Variants in KCTD3 observed in about 807,000 individuals in gnomAD.
KCTD3 encodes the protein BTB/POZ domain-containing protein KCTD3.
In KCTD3, 41 loss-of-function variants were observed where a neutral mutation model predicts 85.8. That is an observed-to-expected ratio of 0.48 (90% CI 0.37 to 0.62). KCTD3 has a LOEUF of 0.62. Among genes scored for constraint, KCTD3 ranks in the 20% least tolerant of loss-of-function variants. The pLI, the probability that KCTD3 is intolerant of heterozygous loss-of-function variation, is 0.00. For synonymous variants in KCTD3, 338 were observed against 345.4 expected, an observed-to-expected ratio of 0.98 and a Z score of 0.24; for missense variants, 724 against 989.9, an observed-to-expected ratio of 0.73 and a Z score of 3.60.
At chr1:215,583,486 C>T (rs1659899849) in intron 8 of KCTD3, among the ~76,000 whole-genome samples, 1 of 152,176 alleles carries the variant, frequency 6.6e-6, no homozygotes, top group Non-Finnish European at 1.5e-5. Flanking sequence ...TCAGTTTTGG[C>T]TGGCTTCTTT....
chr1:215,587,256 A>C (rs1342541042), intron 9 of KCTD3, among the ~76,000 whole-genome samples: 1 of 151,858 alleles, frequency 6.6e-6, no homozygotes, highest in Non-Finnish European at 1.5e-5. Context: ...CAGCCTCCCA[A>C]GTAGCTGGGA....
At chr1:215,606,837 GA>G (rs1049404746) in intron 13 of KCTD3, among the ~76,000 whole-genome samples, 6 of 152,030 alleles carry the variant, frequency 3.9e-5, no homozygotes, top group African/African-American at 1.4e-4. Flanking sequence ...ATCCCTTAAA[GA>G]AAAACTTTGG....
intron 13 of KCTD3, among the ~76,000 whole-genome samples, chr1:215,606,725 A>G (rs1396299458): frequency 6.6e-6 from 1 of 152,078 alleles, no homozygotes; most frequent in East Asian, 1.9e-4. Flanking sequence ...CCTTTTTAAC[A>G]AAAAATCTGG....
chr1:215,586,426 G>T (rs996203811), intron 8 of KCTD3, 69 bp from the exon 9 acceptor site: 3 of 1,198,758 alleles, frequency 2.5e-6, no homozygotes, highest in South Asian at 1.7e-5. Flanking sequence ...TGTTTTTGGT[G>T]CATTGATGTG....
Position 215,567,538 on chromosome 1 carries a change from G to A in KCTD3, c.-148G>A, listed in dbSNP as rs916702126. The A allele has an allele frequency of 6.1e-6, 2 of 328,122 alleles. No individual in the cohort carries two copies. Among genetic ancestry groups the A allele is most frequent in the African/African-American group, 4.4e-5 (2 of 45,976 alleles). 20.3% of individuals were successfully genotyped at this position (328,122 alleles called of 1,614,324 possible). On this transcript the variant is annotated 5_prime_UTR_variant, in exon 1 of 18. Transcript: ENST00000259154. ...GCGAGCCCCGCCCGGCCGCCGGGAA[G>A]GTGGGGGAAGCCCCGTGCACCCCCC...
In KCTD3 at chr1:215,620,821, A is replaced by G; in HGVS notation, c.*203A>G. The G allele has an allele frequency of 2.0e-6, 1 of 508,682 alleles. No individual in the cohort carries two copies. The highest frequency in any genetic ancestry group is 3.7e-5 in the South Asian group (1 of 26,888). 31.5% of individuals were successfully genotyped at this position (508,682 alleles called of 1,614,324 possible). On this transcript the variant is annotated 3_prime_UTR_variant, in exon 18 of 18. Coordinates refer to ENST00000259154, the MANE Select transcript of KCTD3 (RefSeq NM_016121.5). ...TTTTGGAAATTTTTTTAATTTTACA[A>G]GTACATTTAACAGATCATTTATAAA...
intron 4 of KCTD3, 22 bp from the exon 5 acceptor site, chr1:215,577,648 T>G (rs1284263438): frequency 6.5e-7 from 1 of 1,529,338 alleles, no homozygotes; most frequent in African/African-American, 1.4e-5. Flanking sequence ...TTAGAGAATT[T>G]ACATCATTTG....
chr1:215,576,056 T>C (rs1441734251), intron 4 of KCTD3, 82 bp downstream of exon 4: 1 of 829,708 alleles, frequency 1.2e-6, no homozygotes, highest in Non-Finnish European at 1.9e-6. Flanking sequence ...AAAGGTTTTT[T>C]TTGTTTGTTT....
At chr1:215,612,179 A>G (rs1655258023) in intron 15 of KCTD3, among the ~76,000 whole-genome samples, 1 of 152,146 alleles carries the variant, frequency 6.6e-6, no homozygotes, top group South Asian at 2.1e-4. Flanking sequence ...ACTTTTTTTC[A>G]TGGCCAAACA....
Position 215,579,114 on chromosome 1 carries a change from C to G in KCTD3, c.512C>G (p.Thr171Arg), listed in dbSNP as rs778860191. 30 of 1,608,656 alleles carry G rather than the reference C, an allele frequency of 1.9e-5. No individual in the cohort carries two copies. The highest frequency in any genetic ancestry group is 2.4e-5 in the Non-Finnish European group (28 of 1,177,958). ...GGTACACAGCCTGTTCTCTCTGGAA[C>G]GGGAGAAGAAACTGTTAGGCTAGGT... ...GNGTQPVLSG[T>R]GEETVRLGFP... Residue 171 changes from threonine to arginine, a missense_variant, in exon 7 of 18, where the codon ACG becomes AGG. Physicochemically the swap from Thr to Arg is moderately conservative, Grantham distance 71. Transcript: ENST00000259154.
At chr1:215,599,208 G>C (rs1334087608) in intron 10 of KCTD3, among the ~76,000 whole-genome samples, 2 of 152,042 alleles carry the variant, frequency 1.3e-5, no homozygotes, top group Non-Finnish European at 2.9e-5. Flanking sequence ...GAGAATTTTT[G>C]AAAGGACTAC....
In KCTD3 at chr1:215,618,910, C is replaced by G. The variant is rs1222257596; in HGVS notation, c.1587C>G (p.Asp529Glu). The G allele has an allele frequency of 1.9e-6, 3 of 1,609,774 alleles. No homozygotes were observed. The highest frequency in any genetic ancestry group is 2.5e-6 in the Non-Finnish European group (3 of 1,179,008). Reference sequence around the variant, plus strand: ...GAATATGTGAGATCCAGGCTGTTGACTGTACTACAATATCCTCATTTACAG... The same window carrying G: ...GAATATGTGAGATCCAGGCTGTTGAGTGTACTACAATATCCTCATTTACAG... ...GKRICEIQAVDCTTISSFTVR... is the reference protein window; with the variant it reads ...GKRICEIQAVECTTISSFTVR... Residue 529 changes from aspartate to glutamate, a missense_variant, in exon 16 of 18, where the codon GAC (aspartate) becomes GAG (glutamate). By Grantham distance (45) the Asp-to-Glu change is conservative (BLOSUM62 2). Around this residue, in one of 6 missense-constraint regions of KCTD3, gnomAD observed 136 missense variants for 197.6 expected, o/e 0.69. Transcript: ENST00000259154.
At chr1:215,596,951 C>T (rs1660435359) in intron 10 of KCTD3, among the ~76,000 whole-genome samples, 1 of 152,074 alleles carries the variant, frequency 6.6e-6, no homozygotes, top group Non-Finnish European at 1.5e-5. Flanking sequence ...GGAGTAGAGA[C>T]ATTTCTTTCT....
intron 1 of KCTD3, among the ~76,000 whole-genome samples, chr1:215,571,898 T>C (rs982640814): frequency 2.6e-5 from 4 of 152,250 alleles, no homozygotes; most frequent in Non-Finnish European, 4.4e-5. Context: ...CCCAAAGTGC[T>C]GGGATTACAG....
At chr1:215,578,454 A>G (rs1003899653) in intron 6 of KCTD3, among the ~76,000 whole-genome samples, 1 of 152,162 alleles carries the variant, frequency 6.6e-6, no homozygotes, top group Non-Finnish European at 1.5e-5. Context: ...ATGTTAGAGC[A>G]CTGGTTGTCA....
At chr1:215,581,055 G>A (rs758394764) in intron 8 of KCTD3, 15 of 412,396 alleles carry the variant, frequency 3.6e-5, no homozygotes, top group Non-Finnish European at 5.8e-5. Flanking sequence ...AGATCAGCCC[G>A]ACCAACATGG....
intron 9 of KCTD3, among the ~76,000 whole-genome samples, chr1:215,593,789 A>G (rs1366480942): frequency 4.6e-5 from 7 of 151,896 alleles, no homozygotes; most frequent in Admixed American, 4.6e-4. Context: ...AGATAAAAAT[A>G]TATTTCCCAT....
chr1:215,614,886 G>A (rs1655373380), intron 15 of KCTD3, among the ~76,000 whole-genome samples: 1 of 151,990 alleles, frequency 6.6e-6, no homozygotes, highest in Non-Finnish European at 1.5e-5. Flanking sequence ...TTATCAAATT[G>A]CATAAATGAC....
chr1:215,618,739 G>C, intron 15 of KCTD3, 147 bp from the exon 16 acceptor site: 2 of 634,122 alleles, frequency 3.2e-6, no homozygotes, highest in East Asian at 2.9e-5. Flanking sequence ...AGATTTTAAA[G>C]ATTTACACAT....
Sources: gnomAD v4.1 joint callset for allele counts (sites outside exome capture counted in the v4.1 genomes callset) on GRCh38, gnomAD v4.1.1 for gene constraint, gnomAD v4.1.1 regional missense constraint, MANE v1.5 for transcripts, NCBI Gene and HGNC (gene_info 2026-07-23, HGNC 2026-07-21) for gene names.